ESF1: variants seen among roughly 807,000 people sequenced by gnomAD.
The protein encoded by ESF1 is ESF1 nucleolar pre-rRNA processing protein, also known as ESF1 homolog.
In ESF1, 58 loss-of-function variants were observed where a neutral mutation model predicts 92.0. That is an observed-to-expected ratio of 0.63 (90% confidence interval 0.51 to 0.78). The LOEUF (loss-of-function observed/expected upper bound fraction) is 0.78, where lower values mean the gene tolerates loss of function less well. ESF1 is among the 30% of genes least tolerant of loss of function. The probability of loss-of-function intolerance (pLI) is 0.00; values close to 1 mark genes in which losing one functional copy is unlikely to be tolerated. For synonymous variants in ESF1, 321 were observed against 313.7 expected (o/e 1.02, Z -0.24); for missense variants, 922 against 989.1 (o/e 0.93, Z 0.91).
intron 9 of ESF1, among the ~76,000 whole-genome samples, chr20:13,748,490 A>G (rs574788317): frequency 3.5e-5 from 5 of 143,402 alleles, no homozygotes; most frequent in Admixed American, 2.1e-4. Flanking sequence ...ATATACACAT[A>G]TATATACATA....
chr20:13,784,693 A>G (rs1056075265), intron 1 of ESF1, 187 bp downstream of exon 1: 2 of 238,778 alleles, frequency 8.4e-6, no homozygotes, highest in African/African-American at 4.6e-5. Flanking sequence ...TGATTCGAGA[A>G]GCGACCCTGA....
chr20:13,717,573 A>C, intron 12 of ESF1, 59 bp from the exon 13 acceptor site: 2 of 1,587,828 alleles, frequency 1.3e-6, no homozygotes, highest in Non-Finnish European at 1.7e-6. Flanking sequence ...CACCCCCAAA[A>C]AGGAGTATAG....
At chr20:13,740,850 G>C (rs1296771443) in intron 9 of ESF1, among the ~76,000 whole-genome samples, 3 of 152,068 alleles carry the variant, frequency 2.0e-5, no homozygotes, top group Non-Finnish European at 4.4e-5. Flanking sequence ...AGTCACACTG[G>C]CTTCCTGACT....
chr20:13,772,824 G>A (rs10485767), intron 4 of ESF1, among the ~76,000 whole-genome samples: 51,668 of 151,820 alleles, frequency 0.34, 9,041 homozygotes, highest in Middle Eastern at 0.49. Context: ...AACAAGATAC[G>A]AGGCTTGGAA....
chr20:13,772,847 G>C (rs904966020), intron 4 of ESF1, among the ~76,000 whole-genome samples: 9 of 152,054 alleles, frequency 5.9e-5, no homozygotes, highest in African/African-American at 2.2e-4. Context: ...AAAAATAAGA[G>C]TATCTCCTCC....
chr20:13,733,671 G>C (rs1212202998), intron 10 of ESF1, 50 bp downstream of exon 10: 1 of 1,550,000 alleles, frequency 6.5e-7, no homozygotes, highest in South Asian at 1.2e-5. Flanking sequence ...GGTACCATCT[G>C]ATATATGGTT....
At chr20:13,781,899 CA>C (rs1980207944) in intron 2 of ESF1, among the ~76,000 whole-genome samples, 2 of 152,124 alleles carry the variant, frequency 1.3e-5, no homozygotes, top group African/African-American at 2.4e-5. Context: ...ACTTTTGAGA[CA>C]GAGTCTCGCT....
chr20:13,748,548 G>A (rs1323318463), intron 9 of ESF1, among the ~76,000 whole-genome samples: 2,004 of 49,442 alleles, frequency 0.041, 73 homozygotes, highest in African/African-American at 0.15. Flanking sequence ...ATATGTGTGT[G>A]TATATATATA....
At chr20:13,750,024 C>A (rs539717527) in intron 9 of ESF1, among the ~76,000 whole-genome samples, 1 of 152,330 alleles carries the variant, frequency 6.6e-6, no homozygotes, top group South Asian at 2.1e-4. Context: ...TTTTTACTGG[C>A]TTCACCACAG....
At chr20:13,763,057 T>A (rs1213904599) in intron 8 of ESF1, among the ~76,000 whole-genome samples, 2 of 152,022 alleles carry the variant, frequency 1.3e-5, no homozygotes, top group South Asian at 4.2e-4. Context: ...GAGACGGGGT[T>A]TCACCGTGTT....
rs1232811577 is a variant in ESF1, at chr20:13,733,642, T to G, written c.1950+79A>C. 2.1e-6 allele frequency: 3 copies of G among 1,409,302 alleles called. No homozygotes were observed. The Admixed American group carries it at 6.8e-5, about 32-fold the overall frequency. The allele number at this position is 1,409,302 out of a possible 1,614,324, so 87.3% of individuals were successfully genotyped here. On this transcript the variant is annotated intron_variant, in intron 10 of 13. Transcript: ENST00000617257. ...TTCAGTGAGTGGTTACATTTTGAGA[T>G]AATGGATTCCAAGCACCTGGTACCA...
intron 9 of ESF1, among the ~76,000 whole-genome samples, chr20:13,751,840 CAAA>C (rs1978650172): frequency 6.6e-6 from 1 of 151,818 alleles, no homozygotes; most frequent in African/African-American, 2.4e-5. Flanking sequence ...ACAAAAAATA[CAAA>C]AATTAGCTGG....
At chr20:13,748,599 T>A (rs865943820) in intron 9 of ESF1, among the ~76,000 whole-genome samples, 8,879 of 140,718 alleles carry the variant, frequency 0.063, 542 homozygotes, top group South Asian at 0.18. Context: ...TATATTTTTT[T>A]TTTTTTGAGA....
chr20:13,742,265 G>A (rs1231959274), intron 9 of ESF1, among the ~76,000 whole-genome samples: 1 of 152,176 alleles, frequency 6.6e-6, no homozygotes, highest in Non-Finnish European at 1.5e-5. Context: ...CTACTTGGGA[G>A]TTTGAGACCA....
intron 10 of ESF1, among the ~76,000 whole-genome samples, chr20:13,730,158 T>TG (rs1203633668): frequency 6.6e-6 from 1 of 151,728 alleles, no homozygotes; most frequent in Non-Finnish European, 1.5e-5. Flanking sequence ...CTGCAACCTC[T>TG]GACTCCCAGG....
In ESF1 at chr20:13,775,401, G is replaced by A. The variant is rs113722481; in HGVS notation, c.1036-131C>T. 8.7e-4 allele frequency: 467 copies of A among 539,626 alleles called. 8 individuals are homozygous for A. The highest frequency in any genetic ancestry group is 5.9e-3 in the African/African-American group (300 of 51,228). 33.4% of individuals were successfully genotyped at this position (539,626 alleles called of 1,614,324 possible). On this transcript the variant is annotated intron_variant, in intron 3 of 13. Coordinates refer to ENST00000617257, the MANE Select transcript of ESF1 (RefSeq NM_001276380.2). ...TTAATAGTACAGGAGTTATCTAAGC[G>A]TAATTCAGTATATAAAAGAGAACTT...
At chr20:13,774,277 A>ATCCAAAATGC (rs1555826739) in intron 4 of ESF1, among the ~76,000 whole-genome samples, 136,769 of 151,770 alleles carry the variant, frequency 0.9, 61,736 homozygotes, top group East Asian at 1. Flanking sequence ...CAAATCCCAA[A>ATCCAAAATGC]TCCAAAATTC....
chr20:13,740,845 C>T (rs1314931212), intron 9 of ESF1, among the ~76,000 whole-genome samples: 1 of 152,162 alleles, frequency 6.6e-6, no homozygotes, highest in Non-Finnish European at 1.5e-5. Flanking sequence ...TCTTTAGTCA[C>T]ACTGGCTTCC....
chr20:13,772,000 A>G (rs1345410669), intron 5 of ESF1, among the ~76,000 whole-genome samples: 4 of 150,718 alleles, frequency 2.7e-5, no homozygotes, highest in African/African-American at 7.3e-5. Flanking sequence ...TCCTGTCACT[A>G]ATCTATTTAA....
Sources: allele counts gnomAD v4.1 joint callset (sites outside exome capture counted in the v4.1 genomes callset), GRCh38; gene constraint gnomAD v4.1.1; transcripts MANE v1.5; gene names NCBI Gene and HGNC (gene_info 2026-07-23, HGNC 2026-07-21).